ZNF892: variants seen among roughly 807,000 people sequenced by gnomAD.
ZNF892 encodes zinc finger protein 570-like.
chr2:95,210,454 C>G, the ZNF892 span, among the ~76,000 whole-genome samples: 1 of 152,088 alleles, frequency 6.6e-6, no homozygotes, highest in African/African-American at 2.4e-5. Flanking sequence ...TTCAAAAGAG[C>G]ATTACCTGCC....
the ZNF892 span, among the ~76,000 whole-genome samples, chr2:95,252,074 C>A: frequency 1.3e-5 from 2 of 152,100 alleles, no homozygotes; most frequent in Admixed American, 6.6e-5. Flanking sequence ...CTCAGTGAGG[C>A]AAATTTACTT....
At chr2:95,225,224 CT>C in the ZNF892 span, among the ~76,000 whole-genome samples, 2 of 152,046 alleles carry the variant, frequency 1.3e-5, no homozygotes, top group African/African-American at 2.4e-5. Context: ...TGTGATAGTA[CT>C]TTTTTTATGT....
chr2:95,243,770 C>T, the ZNF892 span, among the ~76,000 whole-genome samples: 5 of 151,802 alleles, frequency 3.3e-5, no homozygotes, highest in Admixed American at 6.6e-5. Flanking sequence ...AGGTGAGGGG[C>T]GCCTCAGCCC....
chr2:95,250,262 G>C, the ZNF892 span, among the ~76,000 whole-genome samples: 2 of 152,010 alleles, frequency 1.3e-5, no homozygotes, highest in East Asian at 1.9e-4. Flanking sequence ...ATCTAGTAAA[G>C]ATAATATAAG....
chr2:95,227,140 T>TCCTC, the ZNF892 span, among the ~76,000 whole-genome samples: 3 of 119,556 alleles, frequency 2.5e-5, no homozygotes, highest in Admixed American at 9.4e-5. Context: ...CTTCCTTCCT[T>TCCTC]CCTCCCTCCC....
chr2:95,249,951 A>G, the ZNF892 span, among the ~76,000 whole-genome samples: 1 of 152,172 alleles, frequency 6.6e-6, no homozygotes, highest in African/African-American at 2.4e-5. Flanking sequence ...CATATAAAAC[A>G]TAACCATTGT....
chr2:95,245,456 G>T, the ZNF892 span, among the ~76,000 whole-genome samples: 246 of 104,446 alleles, frequency 2.4e-3, 13 homozygotes, highest in Non-Finnish European at 3.7e-3. Context: ...ACGGCGGGGG[G>T]GGGGGGGTTT....
chr2:95,248,838 C>T, the ZNF892 span, among the ~76,000 whole-genome samples: 5 of 151,986 alleles, frequency 3.3e-5, no homozygotes, highest in Admixed American at 6.6e-5. Context: ...TTGGAATAAC[C>T]GGTCATTTTA....
chr2:95,227,709 T>C, the ZNF892 span, among the ~76,000 whole-genome samples: 1 of 152,074 alleles, frequency 6.6e-6, no homozygotes. Context: ...CTTGAACTCC[T>C]GGGCTCAAGC....
the ZNF892 span, among the ~76,000 whole-genome samples, chr2:95,219,843 G>C: frequency 6.6e-6 from 1 of 152,256 alleles, no homozygotes; most frequent in Admixed American, 6.5e-5. Context: ...AATACTGCTC[G>C]GCAAGGGTGG....
chr2:95,210,139 A>ATGTATATATGTATATATG, the ZNF892 span, among the ~76,000 whole-genome samples: 126 of 148,866 alleles, frequency 8.5e-4, no homozygotes, highest in Admixed American at 9.4e-4. Context: ...ATGTGTATAC[A>ATGTATATATGTATATATG]TGTATATATG....
At chr2:95,235,443 C>T in the ZNF892 span, among the ~76,000 whole-genome samples, 1 of 151,290 alleles carries the variant, frequency 6.6e-6, no homozygotes, top group Admixed American at 6.6e-5. Context: ...CTCACTGCAA[C>T]CTCCACCTCT....
the ZNF892 span, among the ~76,000 whole-genome samples, chr2:95,243,919 A>T: frequency 6.6e-6 from 1 of 152,226 alleles, no homozygotes; most frequent in Non-Finnish European, 1.5e-5. Context: ...GGTGGGGAAA[A>T]GATTGAGAAA....
chr2:95,246,746 ACTT>A, the ZNF892 span, among the ~76,000 whole-genome samples: 1 of 152,220 alleles, frequency 6.6e-6, no homozygotes, highest in Non-Finnish European at 1.5e-5. Context: ...TCATGAATGA[ACTT>A]CTATTCATAA....
the ZNF892 span, among the ~76,000 whole-genome samples, chr2:95,236,332 T>G: frequency 6.6e-6 from 1 of 152,216 alleles, no homozygotes; most frequent in Non-Finnish European, 1.5e-5. Context: ...TTTACAAAGG[T>G]ATAATTTACC....
At chr2:95,238,968 G>A in the ZNF892 span, among the ~76,000 whole-genome samples, 15 of 152,022 alleles carry the variant, frequency 9.9e-5, 1 homozygote, top group Admixed American at 8.5e-4. Flanking sequence ...GTAAAACCCC[G>A]TCTCTACTAA....
chr2:95,214,399 C>G, the ZNF892 span: 1 of 398,442 alleles, frequency 2.5e-6, no homozygotes. Context: ...GAAGAAGAAT[C>G]GGCTCCTGGG....
chr2:95,215,384 TG>T, the ZNF892 span: 1 of 448,958 alleles, frequency 2.2e-6, no homozygotes. Context: ...GTAAAGATTG[TG>T]GAAAAGCATT....
chr2:95,210,373 G>T, the ZNF892 span, among the ~76,000 whole-genome samples: 2 of 151,982 alleles, frequency 1.3e-5, no homozygotes, highest in Admixed American at 1.3e-4. Context: ...AAGTTAAATT[G>T]TAGTTGCATA....
Sources: allele counts gnomAD v4.1 joint callset (sites outside exome capture counted in the v4.1 genomes callset), GRCh38; gene constraint gnomAD v4.1.1; transcripts MANE v1.5; gene names NCBI Gene and HGNC (gene_info 2026-07-23, HGNC 2026-07-21).